The following GLIS3 variants were observed in gnomAD, a reference collection of about 807,000 sequenced individuals.
GLIS3 encodes the protein zinc finger protein GLIS3.
In GLIS3, 53 loss-of-function variants were observed where a neutral mutation model predicts 78.6. That is an observed-to-expected ratio of 0.67 (90% CI 0.54 to 0.85). The LOEUF (loss-of-function observed/expected upper bound fraction) is 0.85. GLIS3 is among the 40% of genes least tolerant of loss of function. GLIS3 has a pLI of 0.00. For synonymous variants in GLIS3, 684 were observed against 509.9 expected (o/e 1.34, Z -4.60); for missense variants, 1,703 against 1,231.1 (o/e 1.38, Z -5.74).
chr9:4,015,202 G>A (rs1822337035), intron 4 of GLIS3, among the ~76,000 whole-genome samples: 1 of 152,208 alleles, frequency 6.6e-6, no homozygotes, highest in Non-Finnish European at 1.5e-5. Flanking sequence ...CCATGGCATG[G>A]AAGGCCGTGT....
At chr9:3,868,982 C>T (rs1820795250) in intron 8 of GLIS3, among the ~76,000 whole-genome samples, 1 of 152,166 alleles carries the variant, frequency 6.6e-6, no homozygotes, top group Non-Finnish European at 1.5e-5. Context: ...CCTATATCAT[C>T]CCTTCATAAT....
At chr9:4,122,147 C>G (rs1832240444) in intron 3 of GLIS3, among the ~76,000 whole-genome samples, 1 of 152,200 alleles carries the variant, frequency 6.6e-6, no homozygotes, top group Non-Finnish European at 1.5e-5. Context: ...ACCAAGAACT[C>G]AGTAACTTGT....
At chr9:4,062,607 T>C (rs1476041738) in intron 4 of GLIS3, among the ~76,000 whole-genome samples, 1 of 152,150 alleles carries the variant, frequency 6.6e-6, no homozygotes, top group Non-Finnish European at 1.5e-5. Context: ...ACCCCATAAT[T>C]GCTGTGAAGA....
the GLIS3 span, among the ~76,000 whole-genome samples, chr9:4,388,699 T>A: frequency 6.6e-6 from 1 of 151,366 alleles, no homozygotes; most frequent in Non-Finnish European, 1.5e-5. Flanking sequence ...AAAATAAAAA[T>A]AAAGTGGACA....
rs148990162 is a variant in GLIS3, at chr9:3,964,037, C to G, written c.1711-26848G>C. 3.3e-5 allele frequency among the ~76,000 whole-genome samples: 5 copies of G among 152,276 alleles called. No homozygotes were observed. The East Asian group carries it at 9.6e-4, about 29-fold the overall frequency. ...AAACAACTGCGTCCCCGCACACTAA[C>G]TGGTAGAAGTTCCTGGTAGCTAGAG... On this transcript the variant is annotated intron_variant, in intron 4 of 10. Transcript: ENST00000381971.
At chr9:4,383,825 T>C in the GLIS3 span, among the ~76,000 whole-genome samples, 1 of 152,216 alleles carries the variant, frequency 6.6e-6, no homozygotes, top group Non-Finnish European at 1.5e-5. Context: ...GTTTACATTT[T>C]AATTAAGAGG....
chr9:4,158,458 C>G (rs1352444730), intron 2 of GLIS3, among the ~76,000 whole-genome samples: 2 of 152,174 alleles, frequency 1.3e-5, no homozygotes, highest in Non-Finnish European at 2.9e-5. Flanking sequence ...GAAAGAAGAG[C>G]TTCATTTACC....
chr9:4,280,613 G>A (rs1827458980), intron 2 of GLIS3, among the ~76,000 whole-genome samples: 1 of 152,192 alleles, frequency 6.6e-6, no homozygotes, highest in Non-Finnish European at 1.5e-5. Context: ...TTGTATTTAA[G>A]AAATAAGTTA....
chr9:3,931,087 A>G (rs1825580928), intron 6 of GLIS3, among the ~76,000 whole-genome samples: 1 of 152,166 alleles, frequency 6.6e-6, no homozygotes, highest in African/African-American at 2.4e-5. Flanking sequence ...ATTTACTGGG[A>G]TTCCAATTAA....
the GLIS3 span, among the ~76,000 whole-genome samples, chr9:4,402,375 TGAAGA>T: frequency 6.6e-6 from 1 of 152,184 alleles, no homozygotes; most frequent in African/African-American, 2.4e-5. Context: ...GTCCAGACTA[TGAAGA>T]TTACAATAAG....
chr9:4,276,603 A>C (rs925388848), intron 2 of GLIS3, among the ~76,000 whole-genome samples: 2 of 151,918 alleles, frequency 1.3e-5, no homozygotes, highest in East Asian at 1.9e-4. Flanking sequence ...GTGACTAATG[A>C]AAGTTCCATT....
chr9:4,203,525 G>C (rs1300382819), intron 2 of GLIS3, among the ~76,000 whole-genome samples: 1 of 152,046 alleles, frequency 6.6e-6, no homozygotes, highest in Non-Finnish European at 1.5e-5. Flanking sequence ...AAATGTAAAT[G>C]AATCAATATT....
intron 2 of GLIS3, among the ~76,000 whole-genome samples, chr9:4,219,768 G>A (rs1000295841): frequency 3.2e-4 from 48 of 152,100 alleles, no homozygotes; most frequent in Non-Finnish European, 4.6e-4. Context: ...GGCTGGTATC[G>A]GCAGCACGTG....
intron 2 of GLIS3, among the ~76,000 whole-genome samples, chr9:4,128,874 G>C (rs562890152): frequency 6.6e-6 from 1 of 152,210 alleles, no homozygotes; most frequent in African/African-American, 2.4e-5. Flanking sequence ...CAAATTCACT[G>C]GTCAACTTTA....
At chr9:4,381,012 G>A in the GLIS3 span, among the ~76,000 whole-genome samples, 1 of 152,162 alleles carries the variant, frequency 6.6e-6, no homozygotes, top group East Asian at 1.9e-4. Context: ...CAGAGGGTAA[G>A]TAGTCTCAGG....
At position 3,825,487 on chromosome 9, in the gene GLIS3, C is replaced by G. The variant is rs1162398128; in HGVS notation, c.*2785G>C. 6.6e-6 allele frequency: 1 copy of G among 151,712 alleles called. No homozygotes were observed. Among genetic ancestry groups the G allele is most frequent in the Non-Finnish European group, 1.5e-5 (1 of 67,998 alleles). 9.4% of individuals were successfully genotyped at this position (151,712 alleles called of 1,614,324 possible). Reference sequence around the variant, plus strand: ...TTTGCGCTGTGTGTTTTCACAAGCACTAGTTTTGTGTTTTGTTTCTGTTTT... The same window carrying G: ...TTTGCGCTGTGTGTTTTCACAAGCAGTAGTTTTGTGTTTTGTTTCTGTTTT... On this transcript the variant is annotated 3_prime_UTR_variant, in exon 11 of 11. Coordinates refer to ENST00000381971, the MANE Select transcript of GLIS3 (RefSeq NM_001042413.2).
chr9:4,350,296 G>T (rs942672170), upstream of GLIS3, among the ~76,000 whole-genome samples: 1 of 152,196 alleles, frequency 6.6e-6, no homozygotes, highest in African/African-American at 2.4e-5. Flanking sequence ...GAGGAACTGG[G>T]CACGTTTAAA....
At chr9:4,014,588 C>G (rs116967020) in intron 4 of GLIS3, among the ~76,000 whole-genome samples, 1 of 152,150 alleles carries the variant, frequency 6.6e-6, no homozygotes, top group Admixed American at 6.5e-5. Flanking sequence ...TGATTAGAAG[C>G]TAGGAAGAGG....
At chr9:4,332,648 T>G (rs1436755846) in intron 2 of GLIS3, among the ~76,000 whole-genome samples, 1 of 152,228 alleles carries the variant, frequency 6.6e-6, no homozygotes, top group East Asian at 1.9e-4. Flanking sequence ...CACTCTAAAC[T>G]ACCAACCTAC....
Sources: allele counts gnomAD v4.1 joint callset (sites outside exome capture counted in the v4.1 genomes callset), GRCh38; gene constraint gnomAD v4.1.1; transcripts MANE v1.5; gene names NCBI Gene and HGNC (gene_info 2026-07-23, HGNC 2026-07-21).